RP1: variants seen among roughly 807,000 people sequenced by gnomAD.
RP1 encodes RP1 axonemal microtubule associated.
Under a neutral mutation model 14.8 loss-of-function variants are expected in RP1, and 16 were observed. That is an observed-to-expected ratio of 1.08 (90% CI 0.73 to 1.65). The LOEUF (loss-of-function observed/expected upper bound fraction) is 1.65. Among genes scored for constraint, RP1 ranks in the 40% most tolerant of loss-of-function variants. RP1 has a pLI of 0.00. For missense variants in RP1, 2,631 were observed against 2,535.0 expected (o/e 1.04, Z -0.81); for synonymous variants, 876 against 883.6 (o/e 0.99, Z 0.15).
intron 14 of RP1, among the ~76,000 whole-genome samples, chr8:54,705,760 A>G (rs921719167): frequency 6.6e-6 from 1 of 151,634 alleles, no homozygotes; most frequent in Admixed American, 6.6e-5. Flanking sequence ...GTTGTTGAGT[A>G]TGGTCCTTAA....
chr8:54,754,196 C>T (rs889116961), intron 19 of RP1, among the ~76,000 whole-genome samples: 1 of 152,020 alleles, frequency 6.6e-6, no homozygotes, highest in Non-Finnish European at 1.5e-5. Context: ...GGCATTTGGT[C>T]TGTGGCAACT....
intron 16 of RP1, among the ~76,000 whole-genome samples, chr8:54,721,311 G>A (rs1268188492): frequency 6.6e-6 from 1 of 152,172 alleles, no homozygotes; most frequent in African/African-American, 2.4e-5. Context: ...GTGGCATTCT[G>A]CCTTGACACA....
At chr8:54,620,499 G>T (rs968324497) in intron 1 of RP1, among the ~76,000 whole-genome samples, 1 of 150,706 alleles carries the variant, frequency 6.6e-6, no homozygotes, top group African/African-American at 2.5e-5. Context: ...ACCTAACAAT[G>T]CATTTCTCAG....
chr8:54,634,551 A>C (rs917289811), downstream of RP1, among the ~76,000 whole-genome samples: 1 of 152,204 alleles, frequency 6.6e-6, no homozygotes, highest in African/African-American at 2.4e-5. Flanking sequence ...ATTTCAAGGT[A>C]TTTCACAGTT....
At chr8:54,779,298 A>G (rs529564467) in intron 23 of RP1, among the ~76,000 whole-genome samples, 1 of 152,280 alleles carries the variant, frequency 6.6e-6, no homozygotes, top group South Asian at 2.1e-4. Context: ...TTGCTGTCCA[A>G]TGAGGCAAAG....
At position 54,626,614 on chromosome 8, in the gene RP1, C is replaced by T. The variant is rs1348591614; in HGVS notation, c.2732C>T (p.Ser911Leu). ...PDFPEAIAHH[S>L]IQNYIQSWLQ... ...TTTCCTGAGGCTATTGCTCATCATT[C>T]AATTCAAAATTATATACAGAGTTGG... Residue 911 changes from serine (S) to leucine (L), a missense_variant, in exon 4 of 4, where the codon TCA becomes TTA. Transcript: ENST00000220676. 1.9e-6 allele frequency: 3 copies of T among 1,613,444 alleles called. No individual in the cohort carries two copies. The highest frequency in any genetic ancestry group is 1.1e-5 in the South Asian group (1 of 90,970).
chr8:54,724,517 CTCTGGTTCTT>C (rs1808607732), intron 16 of RP1, among the ~76,000 whole-genome samples: 1 of 152,090 alleles, frequency 6.6e-6, no homozygotes, highest in Admixed American at 6.6e-5. Context: ...ACCTAGACAG[CTCTGGTTCTT>C]TCACCTTCAC....
At chr8:54,777,459 A>C (rs147614445) in intron 23 of RP1, among the ~76,000 whole-genome samples, 77 of 152,348 alleles carry the variant, frequency 5.1e-4, no homozygotes, top group African/African-American at 1.8e-3. Context: ...TTCTGGACTT[A>C]AAGTGGAGAA....
chr8:54,778,950 A>T (rs1007454526), intron 23 of RP1, among the ~76,000 whole-genome samples: 14 of 152,082 alleles, frequency 9.2e-5, no homozygotes, highest in African/African-American at 3.4e-4. Context: ...AGAAAGTTTT[A>T]TTTATTCCGA....
intron 12 of RP1, among the ~76,000 whole-genome samples, chr8:54,688,379 T>C (rs1807620165): frequency 6.6e-6 from 1 of 152,346 alleles, no homozygotes; most frequent in Non-Finnish European, 1.5e-5. Context: ...AGTCATGAAG[T>C]CCTTGCCCAT....
chr8:54,841,333 A>G (rs1811784670), intron 25 of RP1, among the ~76,000 whole-genome samples: 1 of 152,178 alleles, frequency 6.6e-6, no homozygotes, highest in Admixed American at 6.5e-5. Context: ...TAAATTATGA[A>G]GCTATTATAC....
intron 1 of RP1, among the ~76,000 whole-genome samples, chr8:54,589,503 C>T (rs140442863): frequency 6.6e-6 from 1 of 152,144 alleles, no homozygotes; most frequent in East Asian, 1.9e-4. Context: ...TGATTTAGCT[C>T]CTTGGGCCCA....
chr8:54,754,973 C>T (rs1169937682), intron 20 of RP1: 48 of 1,438,054 alleles, frequency 3.3e-5, no homozygotes, highest in Non-Finnish European at 4.1e-5. Context: ...ATTCCATAGA[C>T]AAATTGTTTG....
At chr8:54,705,170 AC>A (rs1298191101) in intron 14 of RP1, among the ~76,000 whole-genome samples, 1 of 152,132 alleles carries the variant, frequency 6.6e-6, no homozygotes, top group Non-Finnish European at 1.5e-5. Context: ...GGACCCCGAG[AC>A]CACTATCAAG....
intron 1 of RP1, among the ~76,000 whole-genome samples, chr8:54,605,108 C>A (rs557966514): frequency 1.3e-5 from 2 of 152,108 alleles, no homozygotes; most frequent in South Asian, 4.2e-4. Context: ...TCTTGCTTCT[C>A]TAGTTCTTTT....
intron 20 of RP1, among the ~76,000 whole-genome samples, chr8:54,755,175 G>A (rs774598406): frequency 1.3e-5 from 2 of 152,180 alleles, no homozygotes; most frequent in Non-Finnish European, 2.9e-5. Context: ...GGCTGTGAGA[G>A]ACAAGAAATG....
chr8:54,611,161 G>A (rs1464971913), upstream of RP1, among the ~76,000 whole-genome samples: 1 of 152,156 alleles, frequency 6.6e-6, no homozygotes, highest in African/African-American at 2.4e-5. Context: ...ATGCTTTAAT[G>A]TATTTCAGTG....
chr8:54,851,260 T>C (rs572854285), intron 25 of RP1, among the ~76,000 whole-genome samples: 7 of 152,316 alleles, frequency 4.6e-5, no homozygotes, highest in Non-Finnish European at 8.8e-5. Context: ...GTGCTGTCAA[T>C]ATGGAGTTTG....
chr8:54,641,212 T>G (rs575557972), intron 3 of RP1, among the ~76,000 whole-genome samples: 2 of 152,176 alleles, frequency 1.3e-5, no homozygotes, highest in East Asian at 3.9e-4. Context: ...CCTGAAGTGC[T>G]GGGATTACAG....
Sources: allele counts gnomAD v4.1 joint callset (sites outside exome capture counted in the v4.1 genomes callset), GRCh38; gene constraint gnomAD v4.1.1; transcripts MANE v1.5; gene names NCBI Gene and HGNC (gene_info 2026-07-23, HGNC 2026-07-21).